TP63: variants seen among roughly 807,000 people sequenced by gnomAD.
TP63 encodes tumor protein p63, also known as tumor protein 63.
TP63 carries 17 observed loss-of-function variants against 82.8 expected under a neutral mutation model. The ratio of observed to expected loss-of-function variants is 0.21; its 90% CI spans 0.14 to 0.31. The LOEUF is 0.31. Ranked by LOEUF, TP63 falls within the 10% of genes least tolerant of loss-of-function variation. The pLI is 1.00. For missense variants in TP63, 648 were observed against 895.3 expected, an observed-to-expected ratio of 0.72 and a Z score of 3.52; for synonymous variants, 330 against 321.7, an observed-to-expected ratio of 1.03 and a Z score of -0.28.
chr3:189,808,202 G>A (rs769140525), intron 3 of TP63, 70 bp from the exon 4 acceptor site: 8 of 1,613,458 alleles, frequency 5.0e-6, no homozygotes, highest in Non-Finnish European at 6.8e-6. Flanking sequence ...TTCACCCATG[G>A]ATGCCTTTTT....
intron 3 of TP63, among the ~76,000 whole-genome samples, chr3:189,777,842 CTTCTTTTTTTT>C (rs1560176489): frequency 1.5e-5 from 1 of 65,926 alleles, no homozygotes; most frequent in African/African-American, 6.6e-5. Context: ...TCTTCTTCTT[CTTCTTTTTTTT>C]TTTTTTTTTT....
chr3:189,808,556 C>T lies in TP63; in HGVS notation c.579+30C>T, dbSNP rs770325329. 30 of 1,611,106 alleles carry T rather than the reference C, an allele frequency of 1.9e-5. No individual in the cohort carries two copies. The Admixed American group carries it at 2.7e-4, about 14-fold the overall frequency. ...GAGCAGCGGGCACGCACATACCTGA[C>T]CCCCCAAGTCCAAGGATGGGCTTCA... On this transcript the variant is annotated intron_variant, in intron 4 of 13. Transcript: ENST00000264731.
chr3:189,644,694 C>T (rs1265782884), intron 1 of TP63, among the ~76,000 whole-genome samples: 2 of 152,042 alleles, frequency 1.3e-5, no homozygotes, highest in African/African-American at 4.8e-5. Flanking sequence ...CCACTCTTCC[C>T]CTTGAGTGTC....
intron 10 of TP63, chr3:189,873,307 C>A: frequency 2.3e-6 from 1 of 429,988 alleles, no homozygotes; most frequent in African/African-American, 2.0e-5. Context: ...TAAGTACACA[C>A]TCTATTTGGT....
intron 3 of TP63, among the ~76,000 whole-genome samples, chr3:189,749,705 A>G (rs1721654586): frequency 6.6e-6 from 1 of 152,248 alleles, no homozygotes; most frequent in Non-Finnish European, 1.5e-5. Flanking sequence ...GAAAAAAATC[A>G]GTATATCAAA....
chr3:189,695,457 A>C (rs1390410617), intron 1 of TP63, among the ~76,000 whole-genome samples: 60 of 152,184 alleles, frequency 3.9e-4, no homozygotes, highest in Non-Finnish European at 5.9e-5. Flanking sequence ...TACTTATCCA[A>C]GGATCTCTGG....
At chr3:189,786,155 ATAAT>A (rs1356255171) in intron 3 of TP63, among the ~76,000 whole-genome samples, 3 of 152,038 alleles carry the variant, frequency 2.0e-5, no homozygotes, top group African/African-American at 7.2e-5. Context: ...TATTCGATAA[ATAAT>A]AAAGATCAGT....
At chr3:189,610,623 T>C in the TP63 span, among the ~76,000 whole-genome samples, 1 of 152,234 alleles carries the variant, frequency 6.6e-6, no homozygotes, top group African/African-American at 2.4e-5. Context: ...TTCCAAACTT[T>C]CCCACATTTT....
intron 3 of TP63, chr3:189,739,038 A>C: frequency 2.0e-6 from 1 of 508,164 alleles, no homozygotes; most frequent in Non-Finnish European, 3.5e-6. Flanking sequence ...CCTCATGTCA[A>C]CCCCAATTTA....
chr3:189,801,876 C>T (rs1358822044), intron 3 of TP63, among the ~76,000 whole-genome samples: 1 of 152,092 alleles, frequency 6.6e-6, no homozygotes, highest in African/African-American at 2.4e-5. Context: ...ATTAAGTATT[C>T]ACTTTTTATA....
Position 189,840,356 on chromosome 3 carries a change from CGTCTTTTT to C in TP63, c.580-23875_580-23868del, listed in dbSNP as rs1236140106. ...ATTGAGTTTTTTCTTTTTTGCTTTT[CGTCTTTTT>C]TTTTTTTTTTTTTTTTTTTTTTTAC... On this transcript the variant is annotated intron_variant, in intron 4 of 13. Transcript: ENST00000264731. Among the ~76,000 whole-genome samples the C allele has an allele frequency of 9.2e-3, 242 of 26,220 alleles. 2 individuals carry two copies. Among genetic ancestry groups the C allele is most frequent in the South Asian group, 0.017 (13 of 782 alleles). The allele number at this position is 26,220 out of a possible 152,430, so 17.2% of individuals were successfully genotyped here. A position where few individuals can be genotyped will look rare whatever the true frequency, so the allele number is the denominator to read the frequency against.
At chr3:189,724,248 AAG>A (rs1272282508) in intron 1 of TP63, among the ~76,000 whole-genome samples, 4 of 152,134 alleles carry the variant, frequency 2.6e-5, no homozygotes, top group African/African-American at 9.7e-5. Flanking sequence ...ATGTATCTTC[AAG>A]GTTCTATAGT....
At chr3:189,681,021 C>T (rs1341320976) in intron 1 of TP63, among the ~76,000 whole-genome samples, 1 of 152,170 alleles carries the variant, frequency 6.6e-6, no homozygotes, top group Non-Finnish European at 1.5e-5. Flanking sequence ...TCTCATCACA[C>T]AGCCAGTATG....
chr3:189,602,646 T>A, the TP63 span, among the ~76,000 whole-genome samples: 1 of 152,164 alleles, frequency 6.6e-6, no homozygotes, highest in Non-Finnish European at 1.5e-5. Flanking sequence ...AGCCAGCAAG[T>A]ATTAATTCTC....
chr3:189,836,795 A>G (rs894679053), intron 4 of TP63, among the ~76,000 whole-genome samples: 20 of 152,188 alleles, frequency 1.3e-4, no homozygotes, highest in Non-Finnish European at 2.8e-4. Context: ...TGGTGACTGC[A>G]TGATGACCTG....
chr3:189,850,988 C>G (rs1329900097), intron 4 of TP63, among the ~76,000 whole-genome samples: 1 of 152,166 alleles, frequency 6.6e-6, no homozygotes, highest in Non-Finnish European at 1.5e-5. Context: ...ACAGTTTTCA[C>G]AGTGCTGTCT....
chr3:189,880,155 C>G (rs780123008), intron 10 of TP63: 1 of 1,613,630 alleles, frequency 6.2e-7, no homozygotes, highest in Admixed American at 1.7e-5. Flanking sequence ...TTCCAAGCCC[C>G]CAAACCGATC....
chr3:189,671,349 C>T lies in TP63; in HGVS notation c.62+39772C>T, dbSNP rs80069310. Among the ~76,000 whole-genome samples, 736 of 152,084 alleles carry T rather than the reference C, an allele frequency of 4.8e-3. 44 individuals carry two copies. In the East Asian group the frequency reaches 0.12, roughly 24 times the overall value. Reference sequence around the variant, plus strand: ...ACCACAATGAGATATTATCTCACTCCGGTTAGAAATGTTATTATCAAAAAG... The same window carrying T: ...ACCACAATGAGATATTATCTCACTCTGGTTAGAAATGTTATTATCAAAAAG... On this transcript the variant is annotated intron_variant, in intron 1 of 13. Coordinates refer to ENST00000264731, the MANE Select transcript of TP63 (RefSeq NM_003722.5).
At chr3:189,865,683 T>C (rs904998180) in intron 5 of TP63, among the ~76,000 whole-genome samples, 2 of 152,226 alleles carry the variant, frequency 1.3e-5, no homozygotes, top group African/African-American at 4.8e-5. Context: ...CAAAATTCTC[T>C]TTAAAAAACT....
Sources: allele counts gnomAD v4.1 joint callset (sites outside exome capture counted in the v4.1 genomes callset), GRCh38; gene constraint gnomAD v4.1.1; transcripts MANE v1.5; gene names NCBI Gene and HGNC (gene_info 2026-07-23, HGNC 2026-07-21).